The following RFX7 variants were observed in gnomAD, a reference collection of about 807,000 sequenced individuals.
The protein encoded by RFX7 is regulatory factor X7, also known as DNA-binding protein RFX7.
RFX7 carries 26 observed loss-of-function variants against 111.8 expected under a neutral mutation model. The ratio of observed to expected loss-of-function variants is 0.23; its 90% confidence interval spans 0.17 to 0.32. RFX7 has a LOEUF of 0.32. Ranked by LOEUF, RFX7 falls within the 10% of genes least tolerant of loss-of-function variation. The probability of loss-of-function intolerance (pLI) is 1.00; values close to 1 mark genes in which losing one functional copy is unlikely to be tolerated. For synonymous variants in RFX7, 624 were observed against 624.4 expected, an observed-to-expected ratio of 1.00 and a Z score of 0.01; for missense variants, 1,573 against 1,772.9, an observed-to-expected ratio of 0.89 and a Z score of 2.02.
At chr15:56,233,877 C>A (rs2043594789) in intron 2 of RFX7, among the ~76,000 whole-genome samples, 3 of 152,138 alleles carry the variant, frequency 2.0e-5, no homozygotes, top group Non-Finnish European at 4.4e-5. Flanking sequence ...CGAAACTTAA[C>A]ATGAGAGGAT....
chr15:56,230,761 G>GAGC (rs1327041655), intron 2 of RFX7, among the ~76,000 whole-genome samples: 5 of 152,208 alleles, frequency 3.3e-5, no homozygotes, highest in Non-Finnish European at 7.3e-5. Context: ...GCTAACGAAT[G>GAGC]TTTCAGAGTA....
At position 56,095,320 on chromosome 15, in the gene RFX7, C is replaced by G; in HGVS notation, c.2408G>C (p.Ser803Thr). The change falls in exon 10 of 10, where the codon AGT (serine) becomes ACT (threonine). Residue 803 changes from serine (S) to threonine (T), a missense_variant. Around this residue, in one of 7 missense-constraint regions of RFX7, gnomAD observed 625 missense variants for 632.2 expected, o/e 0.99. Coordinates refer to ENST00000559447, the MANE Select transcript of RFX7 (RefSeq NM_022841.7). ...SASCEQQQDI[S>T]VMTIPEHSDI... ...AGAGTGCTCAGGAATTGTCATAACA[C>G]TGATATCTTGCTGTTGTTCACAACT... is the stretch of plus-strand genomic sequence containing the variant. 1 of 1,613,950 alleles carries G rather than the reference C, an allele frequency of 6.2e-7. No individual in the cohort carries two copies. The highest frequency in any genetic ancestry group is 8.5e-7 in the Non-Finnish European group (1 of 1,179,858).
At chr15:56,138,060 G>A (rs1432289849) in intron 5 of RFX7, among the ~76,000 whole-genome samples, 2 of 146,262 alleles carry the variant, frequency 1.4e-5, no homozygotes, top group African/African-American at 2.5e-5. Context: ...TGGAATAGGT[G>A]TGGTGTGGTG....
intron 2 of RFX7, among the ~76,000 whole-genome samples, chr15:56,201,757 G>A (rs112526527): frequency 2.6e-4 from 39 of 152,246 alleles, no homozygotes; most frequent in Middle Eastern, 3.4e-3. Flanking sequence ...CTGGCCGGGC[G>A]TGGTGGCTCA....
rs1306170023 is a variant in RFX7, at chr15:56,094,257, A to AGAT, written c.3468_3470dup (p.Ser1157dup). 2 of 1,614,010 alleles carry AGAT rather than the reference A, an allele frequency of 1.2e-6. No homozygotes were observed. Among genetic ancestry groups the AGAT allele is most frequent in the Non-Finnish European group, 1.7e-6 (2 of 1,179,884 alleles). On this transcript the variant is annotated inframe_insertion, in exon 10 of 10. Coordinates refer to ENST00000559447, the MANE Select transcript of RFX7 (RefSeq NM_022841.7). ...TCCGGCATCTGAAGTTGCTGCTGGC[A>AGAT]GATGAATTAGTTCCTTTATTATCAA...
At position 56,149,516 on chromosome 15, in the gene RFX7, T is replaced by C. The variant is rs1487849102; in HGVS notation, c.196-5033A>G. 3.3e-5 allele frequency among the ~76,000 whole-genome samples: 5 copies of C among 152,328 alleles called. No individual in the cohort carries two copies. In the South Asian group the frequency reaches 8.3e-4, roughly 25 times the overall value. ...AACTGAGGTACCTGGTTCATCTCACTGGGACTGGTTGGAATGTGTGTGCAG... is the reference window on the plus strand; with the variant it reads ...AACTGAGGTACCTGGTTCATCTCACCGGGACTGGTTGGAATGTGTGTGCAG... On this transcript the variant is annotated intron_variant, in intron 3 of 9. Transcript: ENST00000559447.
chr15:56,163,198 T>C (rs1269917893), intron 3 of RFX7, among the ~76,000 whole-genome samples: 1 of 152,100 alleles, frequency 6.6e-6, no homozygotes, highest in East Asian at 1.9e-4. Context: ...AGATAATTTT[T>C]TGGAATTGCA....
intron 5 of RFX7, among the ~76,000 whole-genome samples, chr15:56,127,305 A>T (rs1160136954): frequency 6.6e-6 from 1 of 151,838 alleles, no homozygotes; most frequent in East Asian, 2.0e-4. Context: ...ATCAAAATAT[A>T]TGGGATGTAG....
At chr15:56,175,165 T>A (rs554443881) in intron 3 of RFX7, among the ~76,000 whole-genome samples, 12 of 152,246 alleles carry the variant, frequency 7.9e-5, no homozygotes, top group African/African-American at 2.6e-4. Flanking sequence ...AAACAATGGA[T>A]AACAAAAATT....
chr15:56,243,533 G>A lies in RFX7; in HGVS notation c.-91C>T. ...CTCCTCACGGCCGGGGCGCTTCACC[G>A]CGGGAGAGGCATGGCGGCGCCCCTC... On this transcript the variant is annotated 5_prime_UTR_variant, in exon 1 of 10. Coordinates refer to ENST00000559447, the MANE Select transcript of RFX7 (RefSeq NM_022841.7). 3 of 984,018 alleles carry A rather than the reference G, an allele frequency of 3.0e-6. No individual in the cohort carries two copies. Among genetic ancestry groups the A allele is most frequent in the Non-Finnish European group, 3.6e-6 (3 of 829,190 alleles). 61.0% of individuals were successfully genotyped at this position (984,018 alleles called of 1,614,324 possible).
At chr15:56,224,934 C>A (rs1178267217) in intron 2 of RFX7, among the ~76,000 whole-genome samples, 1 of 152,206 alleles carries the variant, frequency 6.6e-6, no homozygotes, top group Admixed American at 6.5e-5. Flanking sequence ...AGCTAACCAA[C>A]TGCACTAATA....
rs1480505871 is a variant in RFX7 at position 56,142,887 on chromosome 15, T to C, written c.292A>G (p.Met98Val). 1 of 1,613,598 alleles carries C rather than the reference T, an allele frequency of 6.2e-7. No homozygotes were observed. The highest frequency in any genetic ancestry group is 8.5e-7 in the Non-Finnish European group (1 of 1,179,708). The change falls in exon 5 of 10, where the codon ATG (methionine) becomes GTG (valine). Residue 98 changes from methionine (M) to valine (V), a missense_variant. Met to Val is a conservative substitution (Grantham distance 21). This residue lies in a region of RFX7 where 191 missense variants were observed against 194.2 expected (regional missense o/e 0.98). Coordinates refer to ENST00000559447, the MANE Select transcript of RFX7 (RefSeq NM_022841.7). ...SNGEKSDQNA[M>V]SSSRAQQMHA... ...ATTTGTTGTGCCCGACTAGATGACATGGCATTCTGATCACTAATAGAATGA... is the reference window on the plus strand; with the variant it reads ...ATTTGTTGTGCCCGACTAGATGACACGGCATTCTGATCACTAATAGAATGA...
At chr15:56,195,527 T>C (rs2043139349) in intron 2 of RFX7, among the ~76,000 whole-genome samples, 1 of 152,172 alleles carries the variant, frequency 6.6e-6, no homozygotes, top group Non-Finnish European at 1.5e-5. Flanking sequence ...CAAGTTGCCT[T>C]TGAAATAGTC....
chr15:56,105,209 G>A (rs1236095894), intron 5 of RFX7, among the ~76,000 whole-genome samples: 1 of 152,050 alleles, frequency 6.6e-6, no homozygotes, highest in African/African-American at 2.4e-5. Context: ...TTTTTGAAAG[G>A]ATCTCTTCCG....
intron 3 of RFX7, among the ~76,000 whole-genome samples, chr15:56,149,082 CAA>C (rs34272707): frequency 3.2e-4 from 25 of 78,900 alleles, no homozygotes; most frequent in Non-Finnish European, 2.4e-4. Flanking sequence ...GACTCCGTCT[CAA>C]AAAAAAAAAA....
chr15:56,111,595 T>C (rs2041932301), intron 5 of RFX7, among the ~76,000 whole-genome samples: 1 of 146,852 alleles, frequency 6.8e-6, no homozygotes, highest in East Asian at 2.0e-4. Flanking sequence ...ACTATTGTCC[T>C]GTGACCCTGC....
chr15:56,129,052 T>A (rs1034169877), intron 5 of RFX7, among the ~76,000 whole-genome samples: 5 of 152,158 alleles, frequency 3.3e-5, no homozygotes, highest in Non-Finnish European at 5.9e-5. Context: ...CCCATGTTCA[T>A]GGATCAGAAG....
At position 56,179,429 on chromosome 15, in the gene RFX7, A is replaced by G. The variant is rs542953900; in HGVS notation, c.162-126T>C. Reference sequence around the variant, plus strand: ...AAAATAAATACAGCTTCCTATTAAGATTAGGGATTGTAGCCTAAATCTGTG... The same window carrying G: ...AAAATAAATACAGCTTCCTATTAAGGTTAGGGATTGTAGCCTAAATCTGTG... On this transcript the variant is annotated intron_variant, in intron 2 of 9. Coordinates refer to ENST00000559447, the MANE Select transcript of RFX7 (RefSeq NM_022841.7). 10 of 306,574 alleles carry G rather than the reference A, an allele frequency of 3.3e-5. No individual in the cohort carries two copies. The East Asian group carries it at 1.2e-3, about 36-fold the overall frequency. The allele number at this position is 306,574 out of a possible 1,614,324, so 19.0% of individuals were successfully genotyped here.
intron 3 of RFX7, among the ~76,000 whole-genome samples, chr15:56,153,211 G>A (rs1242688248): frequency 6.6e-6 from 1 of 152,172 alleles, no homozygotes; most frequent in Non-Finnish European, 1.5e-5. Flanking sequence ...CTCATTTTAT[G>A]AGGCCAGCAT....
Sources: gnomAD v4.1 joint callset for allele counts (sites outside exome capture counted in the v4.1 genomes callset) on GRCh38, gnomAD v4.1.1 for gene constraint, gnomAD v4.1.1 regional missense constraint, MANE v1.5 for transcripts, NCBI Gene and HGNC (gene_info 2026-07-23, HGNC 2026-07-21) for gene names.